TRAPPC9: variants seen among roughly 807,000 people sequenced by gnomAD.
TRAPPC9 encodes the protein trafficking protein particle complex subunit 9.
A neutral mutation model predicts 124.0 loss-of-function variants in TRAPPC9; 83 were observed. The observed-to-expected ratio is 0.67, with a 90% CI of 0.56 to 0.80. TRAPPC9 has a LOEUF of 0.80. Among genes scored for constraint, TRAPPC9 ranks in the 30% least tolerant of loss-of-function variants. TRAPPC9 has a pLI of 0.00. For missense variants in TRAPPC9, 1,302 were observed against 1,508.3 expected, an observed-to-expected ratio of 0.86 and a Z score of 2.27; for synonymous variants, 638 against 617.5, an observed-to-expected ratio of 1.03 and a Z score of -0.49.
At position 140,182,495 on chromosome 8, in the gene TRAPPC9, A is replaced by C. The variant is rs1397619659; in HGVS notation, c.2556+38964T>G. Among the ~76,000 whole-genome samples, 1 of 152,158 alleles carries C rather than the reference A, an allele frequency of 6.6e-6. No individual in the cohort carries two copies. Among genetic ancestry groups the C allele is most frequent in the Non-Finnish European group, 1.5e-5 (1 of 68,042 alleles). On this transcript the variant is annotated intron_variant, in intron 17 of 22. Transcript: ENST00000438773. This position sits in a 1 kb window ranked among gnomAD's most constrained non-coding sequence, Gnocchi z 4.0. ...GATACATTAGTGTCTGCTAATTCTG[A>C]AACTGTACAGCCCTAACTTCATACT...
chr8:139,784,646 A>ATATATATATATAT (rs1290029459), intron 21 of TRAPPC9, among the ~76,000 whole-genome samples: 41 of 79,264 alleles, frequency 5.2e-4, no homozygotes, highest in Non-Finnish European at 7.5e-4. Flanking sequence ...TATATATATA[A>ATATATATATATAT]ATCAACTGCA....
chr8:140,042,200 AGTGTATGTGTGTGTGTGTGT>A (rs978305643), intron 17 of TRAPPC9, among the ~76,000 whole-genome samples: 1 of 90,826 alleles, frequency 1.1e-5, no homozygotes, highest in African/African-American at 4.9e-5. Context: ...AGCCCAAAAA[AGTGTATGTGTGTGTGTGTGT>A]GTGTGTGTGT....
At chr8:140,088,827 A>G (rs1018080327) in intron 17 of TRAPPC9, among the ~76,000 whole-genome samples, 3 of 152,172 alleles carry the variant, frequency 2.0e-5, no homozygotes, top group Admixed American at 6.5e-5. Flanking sequence ...CTAACGTAAA[A>G]TTAAATTAAT....
intron 21 of TRAPPC9, among the ~76,000 whole-genome samples, chr8:139,770,922 C>T (rs76544375): frequency 0.024 from 3,711 of 152,190 alleles, 144 homozygotes; most frequent in African/African-American, 0.083. Context: ...AGAGTCACCA[C>T]GCCTCTCCTG....
At chr8:139,948,138 C>T (rs1244905892) in intron 19 of TRAPPC9, among the ~76,000 whole-genome samples, 1 of 151,610 alleles carries the variant, frequency 6.6e-6, no homozygotes, top group Non-Finnish European at 1.5e-5. Flanking sequence ...TAGGTTCACT[C>T]TTTCATCCGG....
At chr8:139,988,652 T>A (rs1837417167) in intron 19 of TRAPPC9, 74 bp downstream of exon 19, 15 of 1,030,878 alleles carry the variant, frequency 1.5e-5, no homozygotes, top group Middle Eastern at 2.9e-4. Context: ...GTGGATTATC[T>A]CCACACCCTC....
At chr8:140,300,265 G>A (rs150288569) in intron 11 of TRAPPC9, among the ~76,000 whole-genome samples, 15 of 140,986 alleles carry the variant, frequency 1.1e-4, no homozygotes, top group African/African-American at 4.1e-4. Flanking sequence ...ACACATACAC[G>A]CACATATGCA....
chr8:140,046,794 T>C lies in TRAPPC9; in HGVS notation c.2557-22715A>G, dbSNP rs142968206. On this transcript the variant is annotated intron_variant, in intron 17 of 22. Coordinates refer to ENST00000438773, the MANE Select transcript of TRAPPC9 (RefSeq NM_001160372.4). ...GCCCTAAATTATAAATGTTAGTAAT[T>C]GGCCCTTCATCCTAAGATGTAAACT... Among the ~76,000 whole-genome samples the C allele has an allele frequency of 1.6e-4, 24 of 152,308 alleles. No homozygotes were observed. In the East Asian group the frequency reaches 2.5e-3, roughly 16 times the overall value.
At chr8:139,737,473 C>CCCT in intron 21 of TRAPPC9, among the ~76,000 whole-genome samples, 2 of 122,522 alleles carry the variant, frequency 1.6e-5, no homozygotes, top group African/African-American at 2.9e-5. Context: ...CCCTCCCCCC[C>CCCT]CCCCCACGGA....
intron 17 of TRAPPC9, among the ~76,000 whole-genome samples, chr8:140,177,026 T>TTAA (rs2062086225): frequency 6.6e-6 from 1 of 152,238 alleles, no homozygotes; most frequent in Non-Finnish European, 1.5e-5. Context: ...TGTAAGAGCT[T>TTAA]TATGTCTATT....
chr8:139,831,659 C>A (rs1472229375), intron 21 of TRAPPC9, among the ~76,000 whole-genome samples: 1 of 152,226 alleles, frequency 6.6e-6, no homozygotes, highest in Non-Finnish European at 1.5e-5. Context: ...CCTCTCCATC[C>A]AGTCATCCAC....
chr8:140,420,603 A>C (rs1416323899), intron 5 of TRAPPC9, among the ~76,000 whole-genome samples: 3 of 151,218 alleles, frequency 2.0e-5, no homozygotes, highest in Non-Finnish European at 4.4e-5. Flanking sequence ...TTGTTTTTAC[A>C]TTTTTTTTTC....
chr8:139,917,164 T>TATTA (rs1210691487), intron 19 of TRAPPC9, among the ~76,000 whole-genome samples: 2 of 132,424 alleles, frequency 1.5e-5, no homozygotes, highest in African/African-American at 6.6e-5. Context: ...TCATTATTAT[T>TATTA]TTCTTTTTTT....
chr8:140,033,673 T>TGTTTGTTTG (rs1563706809), intron 17 of TRAPPC9, among the ~76,000 whole-genome samples: 1 of 76,730 alleles, frequency 1.3e-5, no homozygotes, highest in Middle Eastern at 6.8e-3. Context: ...TTTTTTTTTT[T>TGTTTGTTTG]TTTTTTTTTT....
chr8:139,754,735 CAG>C (rs2130255821), intron 21 of TRAPPC9, among the ~76,000 whole-genome samples: 1 of 152,330 alleles, frequency 6.6e-6, no homozygotes, highest in African/African-American at 2.4e-5. Flanking sequence ...CTCTGTTTTC[CAG>C]AGACGCCCCC....
rs552357633 is a variant in TRAPPC9, at chr8:140,075,642, G to A, written c.2557-51563C>T. ...TGTTAAGCATGTATATTATATGCAC[G>A]TCAGTAAAGTGAGCACGGCACAGCA... On this transcript the variant is annotated intron_variant, in intron 17 of 22. Transcript: ENST00000438773. Among the ~76,000 whole-genome samples the A allele has an allele frequency of 4.6e-5, 7 of 152,328 alleles. No homozygotes were observed. In the South Asian group the frequency reaches 1.2e-3, roughly 27 times the overall value.
chr8:140,106,199 A>T (rs1469173633), intron 17 of TRAPPC9, among the ~76,000 whole-genome samples: 1 of 152,166 alleles, frequency 6.6e-6, no homozygotes, highest in African/African-American at 2.4e-5. Flanking sequence ...CAGCACCTGA[A>T]CAACAGCCAT....
At chr8:140,413,428 C>T (rs2069779817) in intron 5 of TRAPPC9, among the ~76,000 whole-genome samples, 2 of 150,736 alleles carry the variant, frequency 1.3e-5, no homozygotes, top group Admixed American at 6.6e-5. Flanking sequence ...ATCATCTGGA[C>T]ACCATGATGA....
chr8:140,258,146 G>A lies in TRAPPC9; in HGVS notation c.2279-5217C>T, dbSNP rs141671079. On this transcript the variant is annotated intron_variant, in intron 15 of 22. Coordinates refer to ENST00000438773, the MANE Select transcript of TRAPPC9 (RefSeq NM_001160372.4). ...CCAGGTCAGTCTGTCTTGGGTACAC[G>A]ACAGCACACGACAGACAAGTCTGGA... Among the ~76,000 whole-genome samples, 214 of 152,334 alleles carry A rather than the reference G, an allele frequency of 1.4e-3. 1 individual carries two copies. The highest frequency in any genetic ancestry group is 5.0e-3 in the African/African-American group (206 of 41,582).
Sources: allele counts gnomAD v4.1 joint callset (sites outside exome capture counted in the v4.1 genomes callset), GRCh38; gene constraint gnomAD v4.1.1; non-coding constraint Gnocchi (gnomAD v3.1); transcripts MANE v1.5; gene names NCBI Gene and HGNC (gene_info 2026-07-23, HGNC 2026-07-21).